TRPC5: variants seen among roughly 807,000 people sequenced by gnomAD.
TRPC5 encodes the protein transient receptor potential cation channel subfamily C member 5, also known as short transient receptor potential channel 5.
TRPC5 carries 9 observed loss-of-function variants against 56.5 expected under a neutral mutation model. The observed-to-expected ratio is 0.16, with a 90% CI of 0.10 to 0.28. The LOEUF is 0.28. Ranked by LOEUF, TRPC5 falls within the 10% of genes least tolerant of loss-of-function variation. The probability of loss-of-function intolerance (pLI) is 1.00; values close to 1 mark genes in which losing one functional copy is unlikely to be tolerated. For synonymous variants in TRPC5, 282 were observed against 278.5 expected (o/e 1.01, Z -0.13); for missense variants, 469 against 748.9 (o/e 0.63, Z 4.36).
chrX:111,776,311 A>T lies in TRPC5; in HGVS notation c.*2T>A. ...TTCCAGAACAGATGATTAGGGCTTG[A>T]CTTAGAGGCGAGTTGTAACTTGTTC... On this transcript the variant is annotated 3_prime_UTR_variant, in exon 11 of 11. Transcript: ENST00000262839. The T allele has an allele frequency of 8.6e-7, 1 of 1,167,047 alleles. No homozygotes were observed. Among genetic ancestry groups the T allele is most frequent in the East Asian group, 3.0e-5 (1 of 33,532 alleles).
In TRPC5 at chrX:111,768,027, T is replaced by C. The variant is rs1383874616; in HGVS notation, c.*8286A>G. Among the ~76,000 whole-genome samples the C allele has an allele frequency of 8.9e-6, 1 of 112,008 alleles. No homozygotes were observed. The highest frequency in any genetic ancestry group is 3.2e-5 in the African/African-American group (1 of 30,868). ...TGTCACACATTTCAGGGGAAAAAAG[T>C]AAATACTTTATTTTGTTGATACTGA... On this transcript the variant is annotated 3_prime_UTR_variant, in exon 11 of 11. Coordinates refer to ENST00000262839, the MANE Select transcript of TRPC5 (RefSeq NM_012471.3).
At chrX:111,862,573 A>T (rs1193803982) in intron 3 of TRPC5, among the ~76,000 whole-genome samples, 1 of 112,096 alleles carries the variant, frequency 8.9e-6, no homozygotes, top group East Asian at 2.8e-4. Context: ...TCAGAGTTTG[A>T]TAGCTTTAGC....
chrX:111,793,528 T>C (rs930198963), intron 7 of TRPC5, among the ~76,000 whole-genome samples: 2 of 111,660 alleles, frequency 1.8e-5, no homozygotes, highest in Non-Finnish European at 3.8e-5. Context: ...AGGATGACTA[T>C]TATAAGAAAA....
At chrX:111,960,445 T>C (rs963004205) in intron 1 of TRPC5, among the ~76,000 whole-genome samples, 1 of 112,403 alleles carries the variant, frequency 8.9e-6, no homozygotes, top group African/African-American at 3.2e-5. Context: ...AGTAAAAAGT[T>C]ATATATTTGT....
intron 10 of TRPC5, among the ~76,000 whole-genome samples, chrX:111,778,627 TAAGTA>T (rs1480568033): frequency 8.9e-6 from 1 of 112,251 alleles, no homozygotes; most frequent in African/African-American, 3.2e-5. Flanking sequence ...TTATATCTTT[TAAGTA>T]AAGAAGATAA....
At chrX:111,856,661 C>T in intron 3 of TRPC5, among the ~76,000 whole-genome samples, 1 of 107,060 alleles carries the variant, frequency 9.3e-6, no homozygotes. Context: ...ACTAAGAATA[C>T]AAAAATTAGC....
chrX:112,033,833 A>G lies in TRPC5; in HGVS notation c.-22+48046T>C, dbSNP rs765363449. On this transcript the variant is annotated intron_variant, in intron 1 of 10. Coordinates refer to ENST00000262839, the MANE Select transcript of TRPC5 (RefSeq NM_012471.3). ...GTGATTCCAACTAATAAGGAGGCTG[A>G]GGCAGGAAAATTGCTTGAGCCCACA... Among the ~76,000 whole-genome samples, 6 of 111,913 alleles carry G rather than the reference A, an allele frequency of 5.4e-5. No homozygotes were observed. The East Asian group carries it at 1.7e-3, about 31-fold the overall frequency.
intron 3 of TRPC5, among the ~76,000 whole-genome samples, chrX:111,907,841 G>A (rs995260492): frequency 1.8e-5 from 2 of 110,537 alleles, no homozygotes; most frequent in Non-Finnish European, 3.8e-5. Context: ...CCTAAGCACT[G>A]TGTGAGTGTT....
At chrX:112,055,617 A>G (rs1930324168) in intron 1 of TRPC5, among the ~76,000 whole-genome samples, 1 of 109,276 alleles carries the variant, frequency 9.2e-6, no homozygotes, top group African/African-American at 3.3e-5. Flanking sequence ...TATTTATTAT[A>G]TATTATTTTT....
chrX:111,798,564 AT>A (rs1347314705), intron 7 of TRPC5, among the ~76,000 whole-genome samples: 2 of 111,846 alleles, frequency 1.8e-5, no homozygotes, highest in African/African-American at 3.2e-5. Flanking sequence ...AAAATGTCAA[AT>A]TTCTTGATAT....
chrX:111,873,972 C>T (rs1923841683), intron 3 of TRPC5, among the ~76,000 whole-genome samples: 1 of 111,677 alleles, frequency 9.0e-6, no homozygotes, highest in Non-Finnish European at 1.9e-5. Flanking sequence ...CCACCACACT[C>T]CTACACCTTT....
chrX:111,996,532 A>G (rs1928538299), intron 1 of TRPC5, among the ~76,000 whole-genome samples: 1 of 111,574 alleles, frequency 9.0e-6, no homozygotes, highest in Non-Finnish European at 1.9e-5. Context: ...CAGGCCCTGG[A>G]TATCCTTGTT....
intron 2 of TRPC5, among the ~76,000 whole-genome samples, chrX:111,949,542 A>G (rs1292587509): frequency 8.9e-6 from 1 of 112,295 alleles, no homozygotes; most frequent in Non-Finnish European, 1.9e-5. Flanking sequence ...GGACCTGAAT[A>G]GACAATTCTC....
At position 111,814,638 on chromosome X, in the gene TRPC5, A is replaced by G. The variant is rs182295996; in HGVS notation, c.1896+20283T>C. On this transcript the variant is annotated intron_variant, in intron 7 of 10. Coordinates refer to ENST00000262839, the MANE Select transcript of TRPC5 (RefSeq NM_012471.3). The stretch of plus-strand genomic sequence containing the variant: ...AGCCCCCTTGGTGAGTGTTGCAAAC[A>G]GGTCCTTTTCCCTACTGAGCATGTG... 5.5e-3 allele frequency among the ~76,000 whole-genome samples: 604 copies of G among 110,171 alleles called. 2 individuals carry two copies. The highest frequency in any genetic ancestry group is 9.3e-3 in the Non-Finnish European group (493 of 52,823).
At chrX:111,813,473 T>C (rs1921771756) in intron 7 of TRPC5, among the ~76,000 whole-genome samples, 1 of 112,606 alleles carries the variant, frequency 8.9e-6, no homozygotes, top group African/African-American at 3.2e-5. Flanking sequence ...ACATGCCTGT[T>C]CAATTTTACA....
chrX:112,013,276 A>C (rs1401149621), intron 1 of TRPC5, among the ~76,000 whole-genome samples: 2 of 111,078 alleles, frequency 1.8e-5, no homozygotes, highest in African/African-American at 6.6e-5. Context: ...TCAGCCTCCC[A>C]AGTAGCTGGG....
chrX:111,952,224 A>T lies in TRPC5; in HGVS notation c.197T>A (p.Met66Lys). Residue 66 changes from methionine (M) to lysine (K), a missense_variant, in exon 2 of 11, where the codon ATG becomes AAG. Physicochemically the swap from Met to Lys is moderately conservative, Grantham distance 95. This residue lies in a region of TRPC5 where 118 missense variants were observed against 167.1 expected (regional missense o/e 0.71). Transcript: ENST00000262839. ...EIYYNVNINCMDPLGRSALLI... is the reference protein window; with the variant it reads ...EIYYNVNINCKDPLGRSALLI... Reference sequence around the variant, plus strand: ...CAGGGCACTCCGGCCCAAGGGGTCCATGCAGTTGATGTTAACATTATAGTA... The same window carrying T: ...CAGGGCACTCCGGCCCAAGGGGTCCTTGCAGTTGATGTTAACATTATAGTA... 1 of 1,211,935 alleles carries T rather than the reference A, an allele frequency of 8.3e-7. No individual in the cohort carries two copies. The highest frequency in any genetic ancestry group is 3.0e-5 in the East Asian group (1 of 33,831).
chrX:111,807,918 T>C (rs1325129155), intron 7 of TRPC5, among the ~76,000 whole-genome samples: 3 of 110,204 alleles, frequency 2.7e-5, no homozygotes, highest in Non-Finnish European at 5.7e-5. Flanking sequence ...TCTTCCGTTA[T>C]TTTCTCCCAA....
intron 6 of TRPC5, among the ~76,000 whole-genome samples, chrX:111,835,865 C>T (rs1170666640): frequency 8.9e-6 from 1 of 112,090 alleles, no homozygotes; most frequent in African/African-American, 3.2e-5. Context: ...CAAATTAACA[C>T]TTTATACAGA....
Sources: allele counts gnomAD v4.1 joint callset (sites outside exome capture counted in the v4.1 genomes callset), GRCh38; gene constraint gnomAD v4.1.1; regional missense constraint gnomAD v4.1.1; transcripts MANE v1.5; gene names NCBI Gene and HGNC (gene_info 2026-07-23, HGNC 2026-07-21).